Variants in LYRM1 observed in about 807,000 individuals in gnomAD.
LYRM1 encodes LYR motif containing 1, also known as LYR motif-containing protein 1.
In LYRM1, 14 loss-of-function variants were observed where a neutral mutation model predicts 14.9. That is an observed-to-expected ratio of 0.94 (90% CI 0.62 to 1.47). LYRM1 has a LOEUF of 1.47. Ranked by LOEUF, LYRM1 falls within the 40% of genes most tolerant of loss-of-function variation. The pLI, the probability that LYRM1 is intolerant of heterozygous loss-of-function variation, is 0.00. For missense variants in LYRM1, 153 were observed against 149.9 expected (o/e 1.02, Z -0.11); for synonymous variants, 43 against 56.2 (o/e 0.77, Z 1.05).
chr16:20,913,949 T>A (rs192517606), intron 1 of LYRM1, among the ~76,000 whole-genome samples: 1 of 151,922 alleles, frequency 6.6e-6, no homozygotes, highest in Admixed American at 6.6e-5. Flanking sequence ...GCTGGGACGA[T>A]AGGCACTCAC....
intron 1 of LYRM1, chr16:20,911,085 G>A (rs1020513732): frequency 6.6e-6 from 1 of 152,136 alleles, no homozygotes; most frequent in African/African-American, 2.4e-5. Context: ...TTCTCTCTTG[G>A]TTTTTATGAA....
rs2083366243 is a variant in LYRM1, at chr16:20,924,629, C to G, written c.*513C>G. On this transcript the variant is annotated 3_prime_UTR_variant, in exon 4 of 4. Coordinates refer to ENST00000567954, the MANE Select transcript of LYRM1 (RefSeq NM_001128302.3). The stretch of plus-strand genomic sequence containing the variant: ...CCAGACAAACTTGTCTTAAAAAGTG[C>G]ATCATTGGATTGACCATGGTTTTTC... 6.6e-6 allele frequency: 1 copy of G among 152,264 alleles called. No homozygotes were observed. Among genetic ancestry groups the G allele is most frequent in the Admixed American group, 6.5e-5 (1 of 15,300 alleles). 9.4% of individuals were successfully genotyped at this position (152,264 alleles called of 1,614,324 possible).
rs933903953 is a variant in LYRM1 at position 20,901,839 on chromosome 16, G to T, written c.-1+950G>T. Reference sequence around the variant, plus strand: ...AGGAGAGGTGAAGATAGTGTTGAAAGGGCCGGCCGGGCGCGGTGGCTCACG... The same window carrying T: ...AGGAGAGGTGAAGATAGTGTTGAAATGGCCGGCCGGGCGCGGTGGCTCACG... On this transcript the variant is annotated intron_variant, in intron 1 of 3. Coordinates refer to ENST00000567954, the MANE Select transcript of LYRM1 (RefSeq NM_001128302.3). This position sits in a 1 kb window ranked among gnomAD's most constrained non-coding sequence, Gnocchi z 4.6. 1.6e-4 allele frequency among the ~76,000 whole-genome samples: 25 copies of T among 152,206 alleles called. No homozygotes were observed. Among genetic ancestry groups the T allele is most frequent in the Admixed American group, 1.6e-3 (25 of 15,288 alleles).
chr16:20,904,027 C>A (rs1435863534), intron 1 of LYRM1, among the ~76,000 whole-genome samples: 4 of 152,002 alleles, frequency 2.6e-5, no homozygotes, highest in African/African-American at 9.7e-5. Context: ...AATTCCAGCC[C>A]CCCCACCACA....
intron 1 of LYRM1, 84 bp from the exon 2 acceptor site, chr16:20,915,472 A>C (rs2082836630): frequency 2.2e-6 from 3 of 1,348,658 alleles, no homozygotes; most frequent in Non-Finnish European, 3.0e-6. Flanking sequence ...AAAAAAAAAA[A>C]AAAAACTGTA....
chr16:20,919,879 G>A (rs1409798613), intron 2 of LYRM1, among the ~76,000 whole-genome samples: 1 of 152,142 alleles, frequency 6.6e-6, no homozygotes, highest in Non-Finnish European at 1.5e-5. Flanking sequence ...CTGGAATAGA[G>A]GAGTAAGAGG....
intron 1 of LYRM1, among the ~76,000 whole-genome samples, chr16:20,905,462 C>G (rs2082274384): frequency 6.6e-6 from 1 of 152,176 alleles, no homozygotes; most frequent in Non-Finnish European, 1.5e-5. Context: ...ATTCCCTACT[C>G]TGCTATACAG....
rs146254943 is a variant in LYRM1, at chr16:20,907,231, A to G, written c.-1+6342A>G. 4.8e-3 allele frequency among the ~76,000 whole-genome samples: 728 copies of G among 152,284 alleles called. 5 individuals are homozygous for G. The highest frequency in any genetic ancestry group is 0.016 in the African/African-American group (666 of 41,538). The stretch of plus-strand genomic sequence containing the variant: ...GACCGTGTTACTCCAGCTTGCATAA[A>G]ATCTACCAGTGTCTTTTGCGCTTAA... On this transcript the variant is annotated intron_variant, in intron 1 of 3. Coordinates refer to ENST00000567954, the MANE Select transcript of LYRM1 (RefSeq NM_001128302.3).
rs1242430238 is a variant in LYRM1, at chr16:20,924,326, T to C, written c.*210T>C. 6.2e-6 allele frequency: 3 copies of C among 481,182 alleles called. No individual in the cohort carries two copies. The highest frequency in any genetic ancestry group is 7.6e-5 in the Admixed American group (2 of 26,246). The allele number at this position is 481,182 out of a possible 1,614,324, so 29.8% of individuals were successfully genotyped here. A position where few individuals can be genotyped will look rare whatever the true frequency, so the allele number is the denominator to read the frequency against. On this transcript the variant is annotated 3_prime_UTR_variant, in exon 4 of 4. Coordinates refer to ENST00000567954, the MANE Select transcript of LYRM1 (RefSeq NM_001128302.3). Reference sequence around the variant, plus strand: ...TGGATGGCATTATCCCTAGAGGTCATGGACCTTACATCCTCACTGCAGTCA... The same window carrying C: ...TGGATGGCATTATCCCTAGAGGTCACGGACCTTACATCCTCACTGCAGTCA...
At chr16:20,912,258 T>G (rs2082631232) in intron 1 of LYRM1, among the ~76,000 whole-genome samples, 1 of 149,778 alleles carries the variant, frequency 6.7e-6, no homozygotes, top group Admixed American at 6.7e-5. Flanking sequence ...AAATTTTTGT[T>G]GGTATTTTTG....
Position 20,924,286 on chromosome 16 carries a change from A to G in LYRM1, c.*170A>G, listed in dbSNP as rs906852402. The G allele has an allele frequency of 1.8e-5, 10 of 564,180 alleles. No individual in the cohort carries two copies. The highest frequency in any genetic ancestry group is 3.2e-5 in the Non-Finnish European group (10 of 315,028). The allele number at this position is 564,180 out of a possible 1,614,324, so 34.9% of individuals were successfully genotyped here. A position where few individuals can be genotyped will look rare whatever the true frequency, so the allele number is the denominator to read the frequency against. ...TTAGATATCCCTAGAGTTTCTCAGC[A>G]TCTTTCTTCCTGAGTGGATGGCATT... On this transcript the variant is annotated 3_prime_UTR_variant, in exon 4 of 4. Coordinates refer to ENST00000567954, the MANE Select transcript of LYRM1 (RefSeq NM_001128302.3).
Position 20,919,061 on chromosome 16 carries a change from G to A in LYRM1, c.160-1061G>A, listed in dbSNP as rs187131504. Among the ~76,000 whole-genome samples the A allele has an allele frequency of 4.5e-3, 689 of 152,266 alleles. 5 individuals are homozygous for A. Among genetic ancestry groups the A allele is most frequent in the African/African-American group, 0.016 (659 of 41,552 alleles). On this transcript the variant is annotated intron_variant, in intron 2 of 3. Transcript: ENST00000567954. ...ACTTGCAAACTCCTAGCAGAGCCAC[G>A]TCTTGATTCATTTTCCTACCTCATA...
intron 1 of LYRM1, chr16:20,911,042 G>T (rs141878324): frequency 2.5e-4 from 38 of 152,154 alleles, no homozygotes; most frequent in African/African-American, 8.7e-4. Flanking sequence ...ATCTCATCTG[G>T]GTTTTTATTA....
At chr16:20,915,154 A>G (rs2082808189) in intron 1 of LYRM1, among the ~76,000 whole-genome samples, 1 of 152,212 alleles carries the variant, frequency 6.6e-6, no homozygotes, top group Admixed American at 6.5e-5. Context: ...AATTATTTCT[A>G]GACTAATTAA....
Position 20,924,247 on chromosome 16 carries a change from CCT to C in LYRM1, c.*132_*133del, listed in dbSNP as rs1346743936. On this transcript the variant is annotated 3_prime_UTR_variant, in exon 4 of 4. Transcript: ENST00000567954. ...TAAAACCTCCACAATTGATTCTCCC[CCT>C]GTGATGTAAACTTAGATATCCCTAG... 9.9e-6 allele frequency: 6 copies of C among 607,660 alleles called. No individual in the cohort carries two copies. The highest frequency in any genetic ancestry group is 1.8e-5 in the Non-Finnish European group (6 of 337,690). The allele number at this position is 607,660 out of a possible 1,614,324, so 37.6% of individuals were successfully genotyped here.
chr16:20,920,378 CA>C, intron 3 of LYRM1, 164 bp downstream of exon 3: 1 of 640,154 alleles, frequency 1.6e-6, no homozygotes, highest in Non-Finnish European at 2.8e-6. Context: ...CCCATCACAA[CA>C]AAGTAAAATG....
Position 20,907,137 on chromosome 16 carries a change from T to C in LYRM1, c.-1+6248T>C, listed in dbSNP as rs530829842. ...GATCTTGTTTCACCATCTGTACAAG[T>C]GTTGGAATTATAAGTAGTTATGATA... On this transcript the variant is annotated intron_variant, in intron 1 of 3. Transcript: ENST00000567954. 1.3e-3 allele frequency among the ~76,000 whole-genome samples: 191 copies of C among 152,266 alleles called. 1 individual carries two copies. The highest frequency in any genetic ancestry group is 4.1e-3 in the African/African-American group (172 of 41,550).
At chr16:20,922,717 T>C (rs1419808161) in intron 3 of LYRM1, among the ~76,000 whole-genome samples, 1 of 152,170 alleles carries the variant, frequency 6.6e-6, no homozygotes, top group Non-Finnish European at 1.5e-5. Flanking sequence ...CTCAAACTCC[T>C]GACTTGGTGA....
intron 2 of LYRM1, among the ~76,000 whole-genome samples, chr16:20,916,737 T>C (rs2082921493): frequency 1.3e-5 from 2 of 152,176 alleles, no homozygotes; most frequent in Non-Finnish European, 2.9e-5. Flanking sequence ...CACTGGCCCA[T>C]TGGTGTCACA....
Sources: gnomAD v4.1 joint callset for allele counts (sites outside exome capture counted in the v4.1 genomes callset) on GRCh38, gnomAD v4.1.1 for gene constraint, Gnocchi (gnomAD v3.1) non-coding constraint, MANE v1.5 for transcripts, NCBI Gene and HGNC (gene_info 2026-07-23, HGNC 2026-07-21) for gene names.